USP34: variants seen among roughly 807,000 people sequenced by gnomAD.
USP34 encodes ubiquitin specific peptidase 34, also known as ubiquitin carboxyl-terminal hydrolase 34.
A neutral mutation model predicts 460.3 loss-of-function variants in USP34; 70 were observed. The observed-to-expected ratio is 0.15, with a 90% confidence interval of 0.13 to 0.19. The LOEUF (loss-of-function observed/expected upper bound fraction) is 0.19. USP34 is among the 10% of genes least tolerant of loss of function. USP34 has a pLI of 1.00. For missense variants in USP34, 3,985 were observed against 4,236.2 expected (o/e 0.94, Z 1.65); for synonymous variants, 1,647 against 1,405.3 (o/e 1.17, Z -3.85).
intron 1 of USP34, among the ~76,000 whole-genome samples, chr2:61,423,564 G>A (rs1227249035): frequency 2.6e-5 from 4 of 152,156 alleles, no homozygotes; most frequent in Non-Finnish European, 5.9e-5. Flanking sequence ...TAAATGGGAA[G>A]AAATCCCACA....
At chr2:61,290,609 C>G (rs1257592605) in intron 33 of USP34, among the ~76,000 whole-genome samples, 1 of 152,060 alleles carries the variant, frequency 6.6e-6, no homozygotes, top group Non-Finnish European at 1.5e-5. Context: ...AAATGAAAAT[C>G]TCATCTATTG....
At chr2:61,432,557 CTGTT>C (rs1408415599) in intron 1 of USP34, among the ~76,000 whole-genome samples, 1 of 151,572 alleles carries the variant, frequency 6.6e-6, no homozygotes, top group Non-Finnish European at 1.5e-5. Context: ...GGTGAGAGGA[CTGTT>C]TGAGCTCAAG....
chr2:61,319,102 A>C, intron 22 of USP34, 71 bp downstream of exon 22: 1 of 1,416,122 alleles, frequency 7.1e-7, no homozygotes, highest in Non-Finnish European at 9.4e-7. Context: ...AAGGCATTAC[A>C]GAATTCGTAT....
chr2:61,387,735 A>AAAAATATATTTTTACGTATACACACATGT (rs1353034197), intron 5 of USP34, among the ~76,000 whole-genome samples: 11 of 145,832 alleles, frequency 7.5e-5, no homozygotes, highest in African/African-American at 1.5e-4. Flanking sequence ...ACACACATGT[A>AAAAATATATTTTTACGTATACACACATGT]AAAATATATT....
chr2:61,338,754 T>C (rs143370926), intron 18 of USP34, among the ~76,000 whole-genome samples: 1 of 152,128 alleles, frequency 6.6e-6, no homozygotes, highest in East Asian at 1.9e-4. Flanking sequence ...TACATAAATA[T>C]GAGGCAGAAT....
chr2:61,269,602 A>T (rs570692669), intron 41 of USP34, among the ~76,000 whole-genome samples: 1 of 152,228 alleles, frequency 6.6e-6, no homozygotes, highest in East Asian at 1.9e-4. Context: ...ACAAATTTAC[A>T]AATTTAAAAA....
intron 29 of USP34, among the ~76,000 whole-genome samples, chr2:61,297,747 T>G (rs1172658626): frequency 6.6e-6 from 1 of 152,158 alleles, no homozygotes; most frequent in Non-Finnish European, 1.5e-5. Context: ...AAGAAAATCT[T>G]TATTTTTTTT....
chr2:61,216,551 G>T (rs59675564), intron 67 of USP34, among the ~76,000 whole-genome samples: 5,231 of 151,936 alleles, frequency 0.034, 306 homozygotes, highest in African/African-American at 0.12. Context: ...AGTAAGCCGA[G>T]ATTGCGCCAC....
chr2:61,356,496 CACAT>C (rs745857140), intron 10 of USP34, among the ~76,000 whole-genome samples: 17,008 of 150,682 alleles, frequency 0.11, 1,381 homozygotes, highest in East Asian at 0.31. Flanking sequence ...CACACACACA[CACAT>C]ACACACACAC....
chr2:61,404,607 G>C (rs938434791), intron 3 of USP34, among the ~76,000 whole-genome samples: 11 of 152,118 alleles, frequency 7.2e-5, no homozygotes, highest in Non-Finnish European at 1.3e-4. Flanking sequence ...GCCATGTGGA[G>C]AAAATACAAG....
At chr2:61,280,384 T>A (rs1689498366) in intron 38 of USP34, 36 bp from the exon 39 acceptor site, 3 of 1,013,532 alleles carry the variant, frequency 3.0e-6, no homozygotes, top group Admixed American at 3.3e-5. Context: ...GAAAACATTT[T>A]AAAAATAAAT....
chr2:61,192,170 A>C (rs1686664623), intron 76 of USP34, among the ~76,000 whole-genome samples: 1 of 152,214 alleles, frequency 6.6e-6, no homozygotes, highest in Admixed American at 6.5e-5. Context: ...GTTGCACCTA[A>C]GGAAGGTGAA....
chr2:61,308,102 A>T (rs1237040014), intron 27 of USP34, among the ~76,000 whole-genome samples: 1 of 152,100 alleles, frequency 6.6e-6, no homozygotes, highest in African/African-American at 2.4e-5. Context: ...GAAAAGAAAC[A>T]AAATAGAAAC....
intron 8 of USP34, among the ~76,000 whole-genome samples, chr2:61,377,320 A>C (rs1692827721): frequency 6.6e-6 from 1 of 152,118 alleles, no homozygotes; most frequent in African/African-American, 2.4e-5. Flanking sequence ...TTTCTAACAA[A>C]CCAATCCAAC....
At chr2:61,273,623 CAGG>C (rs1689284519) in intron 41 of USP34, among the ~76,000 whole-genome samples, 1 of 152,116 alleles carries the variant, frequency 6.6e-6, no homozygotes, top group Admixed American at 6.5e-5. Flanking sequence ...GAGGCTGAGG[CAGG>C]AGAATCGCTT....
At chr2:61,424,379 T>C (rs368152894) in intron 1 of USP34, among the ~76,000 whole-genome samples, 24 of 152,302 alleles carry the variant, frequency 1.6e-4, no homozygotes, top group African/African-American at 5.8e-4. Flanking sequence ...AGGTCCATCA[T>C]TGACCAAAAC....
chr2:61,312,510 T>TAAA (rs35145394), intron 25 of USP34, among the ~76,000 whole-genome samples: 1 of 135,368 alleles, frequency 7.4e-6, no homozygotes, highest in Non-Finnish European at 1.6e-5. Context: ...TACCTGAGTT[T>TAAA]AAAAAAAAAA....
intron 21 of USP34, among the ~76,000 whole-genome samples, chr2:61,322,332 A>T (rs1690950966): frequency 6.6e-6 from 1 of 152,236 alleles, no homozygotes; most frequent in South Asian, 2.1e-4. Flanking sequence ...ATCAGAGGAC[A>T]TAATCAGCTA....
chr2:61,398,672 C>T (rs762169058), intron 3 of USP34, among the ~76,000 whole-genome samples: 1 of 152,110 alleles, frequency 6.6e-6, no homozygotes, highest in Non-Finnish European at 1.5e-5. Flanking sequence ...TAGCTAGAAA[C>T]TTTCATCTGA....
Sources: allele counts gnomAD v4.1 joint callset (sites outside exome capture counted in the v4.1 genomes callset), GRCh38; gene constraint gnomAD v4.1.1; transcripts MANE v1.5; gene names NCBI Gene and HGNC (gene_info 2026-07-23, HGNC 2026-07-21).